Variants in BRF1 observed in about 807,000 individuals in gnomAD.
BRF1 encodes the protein transcription factor IIIB 90 kDa subunit.
A neutral mutation model predicts 81.7 loss-of-function variants in BRF1; 59 were observed. The ratio of observed to expected loss-of-function variants is 0.72; its 90% CI spans 0.59 to 0.90. The LOEUF is 0.90. Ranked by LOEUF, BRF1 falls within the 40% of genes least tolerant of loss-of-function variation. The pLI, the probability that BRF1 is intolerant of heterozygous loss-of-function variation, is 0.00. For synonymous variants in BRF1, 491 were observed against 395.6 expected (o/e 1.24, Z -2.86); for missense variants, 1,050 against 936.3 (o/e 1.12, Z -1.58).
chr14:105,220,264 G>T, intron 11 of BRF1, 134 bp from the exon 12 acceptor site: 1 of 931,942 alleles, frequency 1.1e-6, no homozygotes, highest in Middle Eastern at 2.2e-4. Context: ...CTCTGCACTG[G>T]TGGGTCGCGC....
rs1485144260 is a variant in BRF1, at chr14:105,211,197, C to T, written c.1921G>A (p.Glu641Lys). 8.7e-6 allele frequency: 14 copies of T among 1,612,204 alleles called. No homozygotes were observed. The highest frequency in any genetic ancestry group is 2.2e-5 in the East Asian group (1 of 44,878). Residue 641 changes from glutamate to lysine, a missense_variant, in exon 17 of 18, where the codon GAG becomes AAG. By Grantham distance (56) the Glu-to-Lys change is moderately conservative (BLOSUM62 1). Transcript: ENST00000547530. ...SGPVSYHADE[E>K]ADEEEPDEED... ...TCGTCAGGCTCCTCCTCGTCAGCCTCCTCGTCGGCGTGGTATGACACGGGC... is the reference window on the plus strand; with the variant it reads ...TCGTCAGGCTCCTCCTCGTCAGCCTTCTCGTCGGCGTGGTATGACACGGGC...
rs1483808593 is a variant in BRF1, at chr14:105,255,982, G to A, written c.471+536C>T. Among the ~76,000 whole-genome samples the A allele has an allele frequency of 5.3e-5, 8 of 151,834 alleles. 1 individual carries two copies. The highest frequency in any genetic ancestry group is 2.6e-4 in the Admixed American group (4 of 15,208). ...TCTCTACTAAAAATACAAAATAGCC[G>A]AGCATGGTGGTGGGCACCTGTGGTC... On this transcript the variant is annotated intron_variant, in intron 4 of 17. Transcript: ENST00000547530.
intron 7 of BRF1, 34 bp downstream of exon 7, chr14:105,228,786 T>G (rs1313512525): frequency 6.2e-7 from 1 of 1,610,544 alleles, no homozygotes; most frequent in East Asian, 2.2e-5. Context: ...GAAGCCTCTG[T>G]GTGGTCCCCA....
chr14:105,314,663 G>T (rs1211721910), intron 1 of BRF1: 1 of 143,850 alleles, frequency 7.0e-6, no homozygotes, highest in Admixed American at 6.9e-5. Flanking sequence ...CGCCGGCGCG[G>T]GTCGGAGGGC....
At chr14:105,291,266 G>T (rs2057497332) in intron 1 of BRF1, among the ~76,000 whole-genome samples, 3 of 152,204 alleles carry the variant, frequency 2.0e-5, no homozygotes, top group African/African-American at 7.2e-5. Context: ...CGAACAGACA[G>T]AAAGGCGGGC....
At chr14:105,262,551 C>T (rs905299196) in intron 3 of BRF1, among the ~76,000 whole-genome samples, 3 of 152,254 alleles carry the variant, frequency 2.0e-5, no homozygotes, top group African/African-American at 7.2e-5. Flanking sequence ...CACCTCACCG[C>T]TGTCATCATG....
intron 12 of BRF1, chr14:105,219,797 A>ATGTGTGCCTGCTGCAGGC: frequency 1.8e-6 from 1 of 546,702 alleles, no homozygotes; most frequent in East Asian, 3.0e-5. Context: ...TATTTGTGCG[A>ATGTGTGCCTGCTGCAGGC]TGTGTGCCTG....
At chr14:105,216,498 T>C (rs771578570) in intron 15 of BRF1, among the ~76,000 whole-genome samples, 22 of 152,174 alleles carry the variant, frequency 1.4e-4, no homozygotes, top group Non-Finnish European at 2.6e-4. Context: ...AGACAGCCCA[T>C]GCGGCCCTCC....
chr14:105,215,388 T>C (rs1476112075), intron 15 of BRF1, among the ~76,000 whole-genome samples: 1 of 150,532 alleles, frequency 6.6e-6, no homozygotes, highest in South Asian at 2.1e-4. Flanking sequence ...ACACCTGCAT[T>C]TGCACACAAA....
intron 5 of BRF1, chr14:105,248,802 C>T: frequency 6.1e-6 from 6 of 983,158 alleles, no homozygotes; most frequent in Non-Finnish European, 7.2e-6. Context: ...GAGGCCCCGG[C>T]GCGGCGCGAG....
chr14:105,211,228 C>T lies in BRF1; in HGVS notation c.1890G>A (p.Glu630=), dbSNP rs143441514. ...EPARPQAVLV[E]SGPVSYHADE... is the part of the protein sequence containing the mutation. ...CGGCGTGGTATGACACGGGCCCGCT[C>T]TCCACCAGCACCGCCTGGGGCCTGG... Residue 630 remains glutamate, a synonymous_variant, in exon 17 of 18, where the codon GAG becomes GAA. Transcript: ENST00000547530. The T allele has an allele frequency of 1.6e-4, 261 of 1,611,028 alleles. No individual in the cohort carries two copies. Among genetic ancestry groups the T allele is most frequent in the Non-Finnish European group, 2.1e-4 (248 of 1,179,552 alleles).
intron 6 of BRF1, among the ~76,000 whole-genome samples, chr14:105,240,952 G>A (rs1023486394): frequency 6.6e-6 from 1 of 152,190 alleles, no homozygotes; most frequent in Non-Finnish European, 1.5e-5. Context: ...CGCGTCAGAA[G>A]CCGGGCCCCA....
chr14:105,248,157 C>T, intron 5 of BRF1: 1 of 985,500 alleles, frequency 1.0e-6, no homozygotes, highest in Non-Finnish European at 1.2e-6. Flanking sequence ...GAGTGGACCG[C>T]GCTCTCTGCA....
chr14:105,212,150 A>C lies in BRF1; in HGVS notation c.1787T>G (p.Val596Gly), dbSNP rs781421657. The change falls in exon 16 of 18, where the codon GTG becomes GGG. Residue 596 changes from valine to glycine, a missense_variant. Around this residue, in one of 2 missense-constraint regions of BRF1, gnomAD observed 1,043 missense variants for 915.4 expected, o/e 1.14. Transcript: ENST00000547530. ...TSVGKRLRPL[V>G]STQPAKKVAT... The stretch of plus-strand genomic sequence containing the variant: ...CACCTTCTTTGCTGGCTGCGTAGAC[A>C]CCAGAGGCCTCAACCTGCAAAAGGA... The C allele has an allele frequency of 6.2e-7, 1 of 1,612,492 alleles. No homozygotes were observed. Among genetic ancestry groups the C allele is most frequent in the Middle Eastern group, 1.7e-4 (1 of 6,060 alleles).
chr14:105,219,814 G>A (rs1295559840), intron 12 of BRF1: 2 of 565,442 alleles, frequency 3.5e-6, no homozygotes, highest in African/African-American at 3.8e-5. Context: ...CCTGCTGCAG[G>A]CTATGTGCCG....
intron 4 of BRF1, among the ~76,000 whole-genome samples, chr14:105,253,581 G>GGGA (rs2055723888): frequency 6.6e-6 from 1 of 152,216 alleles, no homozygotes; most frequent in African/African-American, 2.4e-5. Flanking sequence ...CTAAGGGACC[G>GGGA]CACACAAAGG....
At chr14:105,293,041 G>A (rs146986502) in intron 1 of BRF1, among the ~76,000 whole-genome samples, 4 of 152,332 alleles carry the variant, frequency 2.6e-5, no homozygotes, top group East Asian at 1.9e-4. Context: ...GAATTCACCC[G>A]TTTCCTAAGA....
At chr14:105,212,393 C>G in intron 15 of BRF1, 1 of 550,018 alleles carries the variant, frequency 1.8e-6, no homozygotes, top group Non-Finnish European at 3.2e-6. Flanking sequence ...TCGACACAAA[C>G]ACAGAAGCTG....
At chr14:105,257,515 G>A (rs2055940831) in intron 3 of BRF1, among the ~76,000 whole-genome samples, 1 of 152,182 alleles carries the variant, frequency 6.6e-6, no homozygotes, top group Non-Finnish European at 1.5e-5. Flanking sequence ...TGGGTACAGG[G>A]GCATTCCGAC....
Sources: allele counts gnomAD v4.1 joint callset (sites outside exome capture counted in the v4.1 genomes callset), GRCh38; gene constraint gnomAD v4.1.1; regional missense constraint gnomAD v4.1.1; transcripts MANE v1.5; gene names NCBI Gene and HGNC (gene_info 2026-07-23, HGNC 2026-07-21).